CAMTA1: variants seen among roughly 807,000 people sequenced by gnomAD.
CAMTA1 encodes calmodulin binding transcription activator 1, also known as calmodulin-binding transcription activator 1.
CAMTA1 carries 27 observed loss-of-function variants against 170.9 expected under a neutral mutation model. That is an observed-to-expected ratio of 0.16 (90% CI 0.12 to 0.22). The LOEUF (loss-of-function observed/expected upper bound fraction) is 0.22. Ranked by LOEUF, CAMTA1 falls within the 10% of genes least tolerant of loss-of-function variation. The pLI is 1.00. For synonymous variants in CAMTA1, 833 were observed against 891.5 expected (o/e 0.93, Z 1.17); for missense variants, 1,619 against 2,217.2 (o/e 0.73, Z 5.42).
intron 5 of CAMTA1, among the ~76,000 whole-genome samples, chr1:7,394,254 G>C (rs1279701503): frequency 6.6e-6 from 1 of 152,110 alleles, no homozygotes; most frequent in Non-Finnish European, 1.5e-5. Flanking sequence ...TTAATTTTTT[G>C]AGGAACTTCC....
chr1:7,656,296 G>T (rs916473735), intron 7 of CAMTA1, among the ~76,000 whole-genome samples: 1 of 152,182 alleles, frequency 6.6e-6, no homozygotes, highest in Non-Finnish European at 1.5e-5. Flanking sequence ...GGGGACATTG[G>T]GGTTGGTTTC....
At chr1:6,988,818 A>T (rs1695821716) in intron 3 of CAMTA1, among the ~76,000 whole-genome samples, 2 of 152,172 alleles carry the variant, frequency 1.3e-5, no homozygotes, top group African/African-American at 4.8e-5. Flanking sequence ...TGGTATCGTA[A>T]AGAGTTTAAC....
intron 3 of CAMTA1, among the ~76,000 whole-genome samples, chr1:6,901,823 A>G (rs1201752612): frequency 6.6e-6 from 1 of 152,138 alleles, no homozygotes; most frequent in Non-Finnish European, 1.5e-5. Context: ...AGGCAGGTGG[A>G]TCACTTGAAG....
intron 11 of CAMTA1, among the ~76,000 whole-genome samples, chr1:7,723,962 G>A (rs1437132062): frequency 6.6e-6 from 1 of 152,166 alleles, no homozygotes; most frequent in Non-Finnish European, 1.5e-5. Flanking sequence ...TGGGATTACA[G>A]GTGCCCACCA....
intron 16 of CAMTA1, among the ~76,000 whole-genome samples, chr1:7,740,799 C>T (rs1013313354): frequency 1.3e-5 from 2 of 152,190 alleles, no homozygotes; most frequent in African/African-American, 4.8e-5. Flanking sequence ...AAACAGAGTT[C>T]ATGCAGGAAA....
chr1:7,360,919 G>GC (rs2085492264), intron 5 of CAMTA1, among the ~76,000 whole-genome samples: 1 of 152,186 alleles, frequency 6.6e-6, no homozygotes, highest in Non-Finnish European at 1.5e-5. Flanking sequence ...GTCGTTTTCT[G>GC]CTTCACATAA....
chr1:7,504,096 C>G (rs1044047167), intron 6 of CAMTA1, among the ~76,000 whole-genome samples: 3 of 152,162 alleles, frequency 2.0e-5, no homozygotes, highest in African/African-American at 7.2e-5. Flanking sequence ...CCTCTGTGGG[C>G]AGTGGTGGGT....
chr1:7,545,841 C>A (rs1303404056), intron 6 of CAMTA1, among the ~76,000 whole-genome samples: 1 of 152,156 alleles, frequency 6.6e-6, no homozygotes, highest in Non-Finnish European at 1.5e-5. Flanking sequence ...CTCTCCCTCC[C>A]CACCCCCACC....
chr1:7,141,617 A>G (rs180803708), intron 4 of CAMTA1, among the ~76,000 whole-genome samples: 3 of 152,354 alleles, frequency 2.0e-5, no homozygotes, highest in African/African-American at 4.8e-5. Flanking sequence ...CAGCATCAGC[A>G]CACTCAGCGT....
At chr1:6,795,464 G>T (rs971453485) in intron 1 of CAMTA1, among the ~76,000 whole-genome samples, 1 of 152,116 alleles carries the variant, frequency 6.6e-6, no homozygotes, top group Non-Finnish European at 1.5e-5. Context: ...GAAGTGCTGG[G>T]ATTTACAAGT....
chr1:7,492,599 G>GCA (rs1327204408), intron 6 of CAMTA1, among the ~76,000 whole-genome samples: 2,234 of 146,160 alleles, frequency 0.015, 26 homozygotes, highest in Non-Finnish European at 0.022. Flanking sequence ...ACACACGCGT[G>GCA]CACACACACA....
Position 7,665,224 on chromosome 1 carries a change from C to T in CAMTA1, c.2652+25C>T. 1 of 1,425,840 alleles carries T rather than the reference C, an allele frequency of 7.0e-7. No homozygotes were observed. The highest frequency in any genetic ancestry group is 2.6e-5 in the Admixed American group (1 of 38,650). The allele number at this position is 1,425,840 out of a possible 1,614,324, so 88.3% of individuals were successfully genotyped here. On this transcript the variant is annotated intron_variant, in intron 9 of 22. Transcript: ENST00000303635. This position sits in a 1 kb window ranked among gnomAD's most constrained non-coding sequence, Gnocchi z 4.3. ...GGTAAGCTGCCGCCGCTGCCACCAC[C>T]TGTCACCTCCCCTCCCACCCACCTC...
chr1:7,703,380 T>C (rs998949781), intron 11 of CAMTA1, among the ~76,000 whole-genome samples: 28 of 152,154 alleles, frequency 1.8e-4, no homozygotes, highest in African/African-American at 6.5e-4. Context: ...ACTGGGGCTT[T>C]GCCAGGGCAG....
intron 4 of CAMTA1, among the ~76,000 whole-genome samples, chr1:7,148,159 T>A (rs1217665555): frequency 6.9e-6 from 1 of 145,120 alleles, no homozygotes; most frequent in Non-Finnish European, 1.5e-5. Context: ...GACACAAATG[T>A]ACACCATGCA....
At chr1:7,265,048 C>T (rs1038668717) in intron 5 of CAMTA1, among the ~76,000 whole-genome samples, 13 of 152,170 alleles carry the variant, frequency 8.5e-5, no homozygotes, top group African/African-American at 1.2e-4. Flanking sequence ...GCCAGGGAGC[C>T]GGGTTTTTCT....
chr1:7,089,129 C>T (rs561654972), intron 3 of CAMTA1, among the ~76,000 whole-genome samples: 5 of 152,192 alleles, frequency 3.3e-5, no homozygotes, highest in South Asian at 2.1e-4. Flanking sequence ...GATCTTATAA[C>T]GATTCATGGT....
chr1:6,997,308 A>G (rs1158939216), intron 3 of CAMTA1, among the ~76,000 whole-genome samples: 2 of 152,030 alleles, frequency 1.3e-5, no homozygotes, highest in African/African-American at 2.4e-5. Flanking sequence ...GGATGCGTTA[A>G]AGTCTCCAAC....
At chr1:7,637,055 G>T (rs2095717481) in intron 6 of CAMTA1, among the ~76,000 whole-genome samples, 1 of 152,236 alleles carries the variant, frequency 6.6e-6, no homozygotes, top group African/African-American at 2.4e-5. Context: ...TTATGCAGAT[G>T]GAGGCTGAGG....
At chr1:7,542,958 G>T (rs530244804) in intron 6 of CAMTA1, among the ~76,000 whole-genome samples, 14 of 151,122 alleles carry the variant, frequency 9.3e-5, no homozygotes, top group Non-Finnish European at 1.5e-4. Flanking sequence ...TCCACTTCCC[G>T]CATTCACGCC....
Sources: allele counts gnomAD v4.1 joint callset (sites outside exome capture counted in the v4.1 genomes callset), GRCh38; gene constraint gnomAD v4.1.1; non-coding constraint Gnocchi (gnomAD v3.1); transcripts MANE v1.5; gene names NCBI Gene and HGNC (gene_info 2026-07-23, HGNC 2026-07-21).